Variants in SCN1A observed in about 807,000 individuals in gnomAD.
SCN1A encodes sodium voltage-gated channel alpha subunit 1, also known as sodium channel protein type 1 subunit alpha.
Under a neutral mutation model 193.7 loss-of-function variants are expected in SCN1A, and 13 were observed. The observed-to-expected ratio is 0.07, with a 90% CI of 0.04 to 0.11. The LOEUF (loss-of-function observed/expected upper bound fraction) is 0.11, where lower values mean the gene tolerates loss of function less well. Among genes scored for constraint, SCN1A ranks in the 10% least tolerant of loss-of-function variants. The probability of loss-of-function intolerance (pLI) is 1.00; values close to 1 mark genes in which losing one functional copy is unlikely to be tolerated. For missense variants in SCN1A, 1,432 were observed against 2,451.1 expected, an observed-to-expected ratio of 0.58 and a Z score of 8.78; for synonymous variants, 781 against 843.6, an observed-to-expected ratio of 0.93 and a Z score of 1.29.
chr2:166,140,194 T>A (rs562488912), intron 1 of SCN1A, among the ~76,000 whole-genome samples: 1 of 152,104 alleles, frequency 6.6e-6, no homozygotes, highest in African/African-American at 2.4e-5. Context: ...CCAAAGTACC[T>A]AATCTTACCA....
chr2:166,044,950 T>G, intron 13 of SCN1A, 93 bp downstream of exon 13: 1 of 1,349,014 alleles, frequency 7.4e-7, no homozygotes, highest in Non-Finnish European at 1.1e-6. Context: ...TTGATTCAGT[T>G]GATAAAAATT....
chr2:166,029,555 G>A (rs552801506), intron 19 of SCN1A, among the ~76,000 whole-genome samples: 63 of 152,082 alleles, frequency 4.1e-4, no homozygotes, highest in Non-Finnish European at 2.8e-4. Context: ...CCCATATAAC[G>A]TAAGATAAAA....
Position 166,037,938 on chromosome 2 carries a change from T to A in SCN1A, c.2784A>T (p.Gln928His). 6.2e-7 allele frequency: 1 copy of A among 1,613,934 alleles called. No individual in the cohort carries two copies. Among genetic ancestry groups the A allele is most frequent in the East Asian group, 2.2e-5 (1 of 44,858 alleles). Residue 928 changes from glutamine to histidine, a missense_variant, in exon 18 of 29, where the codon CAA (glutamine) becomes CAT (histidine). Gln to His is a conservative substitution (Grantham distance 24). Coordinates refer to ENST00000674923, the MANE Select transcript of SCN1A (RefSeq NM_001165963.4). ...DCVCKIASDC[Q>H]LPRWHMNDFF... ...AGTCATTCATGTGCCAGCGTGGGAG[T>A]TGACAATCACTGGCGATCTTGCAGA...
chr2:165,987,666 G>C lies in SCN1A; in HGVS notation c.*3579C>G, dbSNP rs1688692441. 6.6e-6 allele frequency: 1 copy of C among 152,110 alleles called. No individual in the cohort carries two copies. The highest frequency in any genetic ancestry group is 1.9e-4 in the East Asian group (1 of 5,190). The allele number at this position is 152,110 out of a possible 1,614,324, so 9.4% of individuals were successfully genotyped here. On this transcript the variant is annotated 3_prime_UTR_variant, in exon 29 of 29. Transcript: ENST00000674923. ...TTGCCCCAGATTTGGCCAGTGGGAA[G>C]CCCCTTCTAGTTGGTTCCTGTGTCT... is the stretch of plus-strand genomic sequence containing the variant.
intron 28 of SCN1A, 36 bp downstream of exon 28, chr2:165,994,106 TTTTA>T (rs761698012): frequency 6.7e-7 from 1 of 1,489,830 alleles, no homozygotes; most frequent in South Asian, 1.2e-5. Context: ...CAGCTTTCAC[TTTTA>T]TTTAACTGAA....
chr2:166,136,462 T>C (rs575762955), intron 1 of SCN1A, among the ~76,000 whole-genome samples: 1 of 152,272 alleles, frequency 6.6e-6, no homozygotes. Context: ...CACACACAAC[T>C]GCTAATGAGT....
intron 7 of SCN1A, among the ~76,000 whole-genome samples, chr2:166,053,363 A>G (rs1698802649): frequency 6.6e-6 from 1 of 152,000 alleles, no homozygotes; most frequent in Non-Finnish European, 1.5e-5. Context: ...AACCAACATC[A>G]TGTGTAACTT....
intron 19 of SCN1A, among the ~76,000 whole-genome samples, chr2:166,025,292 T>G (rs769366880): frequency 5.5e-4 from 83 of 152,276 alleles, no homozygotes; most frequent in Middle Eastern, 3.4e-3. Context: ...CTCATAATTA[T>G]AAGACTGGGC....
At chr2:166,011,581 A>G (rs918968409) in intron 22 of SCN1A, among the ~76,000 whole-genome samples, 7 of 151,164 alleles carry the variant, frequency 4.6e-5, no homozygotes, top group Non-Finnish European at 1.0e-4. Context: ...CATATAATCT[A>G]CTATTTAAAT....
chr2:166,101,358 G>T (rs1435945592), intron 2 of SCN1A, among the ~76,000 whole-genome samples: 1 of 114,440 alleles, frequency 8.7e-6, no homozygotes, highest in African/African-American at 3.4e-5. Context: ...GGGGACTGTG[G>T]TGGGGTGGGG....
intron 2 of SCN1A, among the ~76,000 whole-genome samples, chr2:166,093,067 G>A (rs144442542): frequency 1.1e-3 from 166 of 151,970 alleles, no homozygotes; most frequent in African/African-American, 4.0e-3. Context: ...TTGCTTTCTG[G>A]GTGATGTTTA....
chr2:166,045,885 A>G (rs1411526677), intron 12 of SCN1A, among the ~76,000 whole-genome samples: 1 of 152,168 alleles, frequency 6.6e-6, no homozygotes, highest in East Asian at 1.9e-4. Flanking sequence ...GAGAATCAAT[A>G]GTTTCTGCTG....
chr2:165,986,924 C>A lies in SCN1A; in HGVS notation c.*4321G>T, dbSNP rs1215862047. The A allele has an allele frequency of 5.9e-5, 9 of 151,954 alleles. No homozygotes were observed. The highest frequency in any genetic ancestry group is 5.9e-4 in the Admixed American group (9 of 15,242). The allele number at this position is 151,954 out of a possible 1,614,324, so 9.4% of individuals were successfully genotyped here. On this transcript the variant is annotated 3_prime_UTR_variant, in exon 29 of 29. Transcript: ENST00000674923. ...CATGGAACAGGCACACTAGTCTTAACAAAATTAGGAAAATTAACACTATTA... is the reference window on the plus strand; with the variant it reads ...CATGGAACAGGCACACTAGTCTTAAAAAAATTAGGAAAATTAACACTATTA...
At chr2:166,030,879 C>G (rs769085831) in intron 19 of SCN1A, among the ~76,000 whole-genome samples, 2 of 152,028 alleles carry the variant, frequency 1.3e-5, no homozygotes, top group Non-Finnish European at 2.9e-5. Flanking sequence ...AATTTACTTT[C>G]TATTTGGGGA....
chr2:166,022,060 TA>T (rs1694143043), intron 19 of SCN1A, among the ~76,000 whole-genome samples: 1 of 152,122 alleles, frequency 6.6e-6, no homozygotes, highest in Non-Finnish European at 1.5e-5. Flanking sequence ...ATCCCATTTC[TA>T]AAATAAATAA....
At chr2:166,106,309 A>T (rs1419165151) in intron 2 of SCN1A, among the ~76,000 whole-genome samples, 3 of 152,184 alleles carry the variant, frequency 2.0e-5, no homozygotes, top group Non-Finnish European at 4.4e-5. Flanking sequence ...GATGTAAGAG[A>T]ATCTAAAGGG....
At chr2:166,024,066 G>T (rs922433042) in intron 19 of SCN1A, among the ~76,000 whole-genome samples, 2 of 151,968 alleles carry the variant, frequency 1.3e-5, no homozygotes, top group Admixed American at 6.6e-5. Context: ...GTGAGACACC[G>T]CGCCTGGCCA....
chr2:166,015,902 A>T, intron 19 of SCN1A, 175 bp from the exon 20 acceptor site: 1 of 660,224 alleles, frequency 1.5e-6, no homozygotes, highest in East Asian at 2.9e-5. Context: ...GTCTGTGCTA[A>T]CCCTTTTACC....
upstream of SCN1A, among the ~76,000 whole-genome samples, chr2:166,129,757 C>A (rs1309583720): frequency 1.3e-5 from 2 of 152,124 alleles, no homozygotes; most frequent in Non-Finnish European, 2.9e-5. Flanking sequence ...TAAGAACATA[C>A]CTGGCCACAT....
Sources: allele counts gnomAD v4.1 joint callset (sites outside exome capture counted in the v4.1 genomes callset), GRCh38; gene constraint gnomAD v4.1.1; transcripts MANE v1.5; gene names NCBI Gene and HGNC (gene_info 2026-07-23, HGNC 2026-07-21).